The following ADAM33 variants were observed in gnomAD, a reference collection of about 807,000 sequenced individuals.
The protein encoded by ADAM33 is ADAM metallopeptidase domain 33.
ADAM33 carries 103 observed loss-of-function variants against 106.2 expected under a neutral mutation model. That is an observed-to-expected ratio of 0.97 (90% CI 0.83 to 1.14). The LOEUF is 1.14. ADAM33 is among the 50% of genes most tolerant of loss of function. The probability of loss-of-function intolerance (pLI) is 0.00; values close to 1 mark genes in which losing one functional copy is unlikely to be tolerated. For synonymous variants in ADAM33, 483 were observed against 453.0 expected, an observed-to-expected ratio of 1.07 and a Z score of -0.84; for missense variants, 1,120 against 1,096.6, an observed-to-expected ratio of 1.02 and a Z score of -0.30.
chr20:3,673,503 G>A lies in ADAM33; in HGVS notation c.991-7C>T, dbSNP rs2271510. The stretch of plus-strand genomic sequence containing the variant: ...TGGGGAGCTCCGAGTGGTCCTGGGG[G>A]GCCGTGGGAGGGCGGTCACTGCGGC... On this transcript the variant is annotated splice_region_variant and splice_polypyrimidine_tract_variant and intron_variant, in intron 10 of 21. Coordinates refer to ENST00000356518, the MANE Select transcript of ADAM33 (RefSeq NM_025220.5). The A allele has an allele frequency of 5.4e-6, 8 of 1,483,240 alleles. No individual in the cohort carries two copies. The East Asian group carries it at 1.7e-4, about 32-fold the overall frequency. The allele number at this position is 1,483,240 out of a possible 1,614,324, so 91.9% of individuals were successfully genotyped here. A position where few individuals can be genotyped will look rare whatever the true frequency, so the allele number is the denominator to read the frequency against.
intron 19 of ADAM33, chr20:3,670,512 A>C: frequency 6.1e-6 from 1 of 164,380 alleles, no homozygotes; most frequent in Non-Finnish European, 1.3e-5. Context: ...AGGGGCAGCC[A>C]GCACCGCAGC....
chr20:3,671,602 G>A lies in ADAM33; in HGVS notation c.1884C>T (p.Gly628=). The change falls in exon 16 of 22, where the codon GGC becomes GGT. Residue 628 remains glycine, a synonymous_variant. Coordinates refer to ENST00000356518, the MANE Select transcript of ADAM33 (RefSeq NM_025220.5). ...DLLGLGLVEP[G]TQCGPRMVCQ... is the part of the protein sequence containing the mutation. ...TCACCATTCTAGGTCCACACTGGGT[G>A]CCTGGCTCTACCAGGCCCAGGCCAA... 2 of 1,588,344 alleles carry A rather than the reference G, an allele frequency of 1.3e-6. No individual in the cohort carries two copies.
At chr20:3,674,906 G>A (rs2087839496) in intron 4 of ADAM33, 57 bp from the exon 5 acceptor site, 1 of 1,608,642 alleles carries the variant, frequency 6.2e-7, no homozygotes, top group Non-Finnish European at 8.5e-7. Flanking sequence ...AGAGGGGCAA[G>A]AGGGAGGGTG....
At chr20:3,676,137 G>C (rs1313103763) in intron 3 of ADAM33, among the ~76,000 whole-genome samples, 1 of 152,208 alleles carries the variant, frequency 6.6e-6, no homozygotes, top group Non-Finnish European at 1.5e-5. Flanking sequence ...AATCTGGGTG[G>C]TTTTAAGAGC....
Position 3,675,018 on chromosome 20 carries a change from G to A in ADAM33, c.333+9C>T. 1 of 1,613,408 alleles carries A rather than the reference G, an allele frequency of 6.2e-7. No homozygotes were observed. Among genetic ancestry groups the A allele is most frequent in the African/African-American group, 1.3e-5 (1 of 75,040 alleles). ...GCGGTGCATCCCAGAGCCCATGGAA[G>A]CATCTCACCGTGTGGTTGGGGGCCA... On this transcript the variant is annotated intron_variant, in intron 4 of 21. Coordinates refer to ENST00000356518, the MANE Select transcript of ADAM33 (RefSeq NM_025220.5). The surrounding 1 kb of genome is among the most constrained non-coding windows in gnomAD (Gnocchi z 4.1).
chr20:3,672,980 G>C (rs145538787), intron 11 of ADAM33, 82 bp from the exon 12 acceptor site: 748 of 1,445,968 alleles, frequency 5.2e-4, no homozygotes, highest in Non-Finnish European at 5.7e-4. Context: ...CCTGGGCTTG[G>C]CTACAGCCGC....
chr20:3,677,676 C>G (rs567021879), intron 2 of ADAM33, among the ~76,000 whole-genome samples: 1 of 152,346 alleles, frequency 6.6e-6, no homozygotes, highest in South Asian at 2.1e-4. Flanking sequence ...TTTCCTGGGC[C>G]TCCAGCAGCC....
chr20:3,671,384 A>C, intron 17 of ADAM33, 35 bp downstream of exon 17: 1 of 1,611,316 alleles, frequency 6.2e-7, no homozygotes, highest in Non-Finnish European at 8.5e-7. Flanking sequence ...TAGGATTAGG[A>C]ACCCCAAGGT....
At chr20:3,672,945 CCCCCGCGCTTCTCTGATCCCCA>C (rs1407899982) in intron 11 of ADAM33, 47 bp from the exon 12 acceptor site, 1 of 1,483,088 alleles carries the variant, frequency 6.7e-7, no homozygotes, top group Non-Finnish European at 8.9e-7. Flanking sequence ...AGTCCCCCAA[CCCCCGCGCTTCTCTGATCCCCA>C]CCCCTGGGCT....
Position 3,679,541 on chromosome 20 carries a change from T to A in ADAM33, c.128A>T (p.His43Leu), listed in dbSNP as rs986191067. ...CCAGGGTTGTCCATCCAGGACCCAGTGCGGGGTGACTGGCTGCCCAGGGAT... is the reference window on the plus strand; with the variant it reads ...CCAGGGTTGTCCATCCAGGACCCAGAGCGGGGTGACTGGCTGCCCAGGGAT... ...GHIPGQPVTP[H>L]WVLDGQPWRT... Residue 43 changes from histidine to leucine, a missense_variant, in exon 2 of 22, where the codon CAC (histidine) becomes CTC (leucine). Physicochemically the swap from His to Leu is moderately conservative, Grantham distance 99 (BLOSUM62 -3). Coordinates refer to ENST00000356518, the MANE Select transcript of ADAM33 (RefSeq NM_025220.5). 6.2e-7 allele frequency: 1 copy of A among 1,610,578 alleles called. No homozygotes were observed. Among genetic ancestry groups the A allele is most frequent in the African/African-American group, 1.3e-5 (1 of 74,822 alleles).
chr20:3,677,021 C>T, intron 3 of ADAM33, 46 bp downstream of exon 3: 2 of 1,597,334 alleles, frequency 1.3e-6, no homozygotes, highest in Non-Finnish European at 1.7e-6. Flanking sequence ...CCCTGCCCCC[C>T]AACACTGATC....
At chr20:3,679,706 C>T (rs538963134) in intron 1 of ADAM33, 135 bp from the exon 2 acceptor site, 12 of 688,896 alleles carry the variant, frequency 1.7e-5, no homozygotes, top group South Asian at 1.1e-4. Context: ...ACCTTCAACA[C>T]GCGTGGGCTC....
Position 3,673,748 on chromosome 20 carries a change from A to G in ADAM33, c.902T>C (p.Leu301Pro). The change falls in exon 9 of 22, where the codon CTC (leucine) becomes CCC (proline). Residue 301 changes from leucine to proline, a missense_variant. Leu to Pro is a moderately conservative substitution (Grantham distance 98, BLOSUM62 -3). Coordinates refer to ENST00000356518, the MANE Select transcript of ADAM33 (RefSeq NM_025220.5). ...AQRPHDSAQL[L>P]TGRAFQGATV... ...CGTCCGGGTCAGAGGCACCCACGTG[A>G]GCAGCTGCGCGGAGTCGTGGGGCCG... 2.7e-6 allele frequency: 4 copies of G among 1,503,384 alleles called. No individual in the cohort carries two copies. The highest frequency in any genetic ancestry group is 3.5e-6 in the Non-Finnish European group (4 of 1,130,556). The allele number at this position is 1,503,384 out of a possible 1,614,324, so 93.1% of individuals were successfully genotyped here.
In ADAM33 at chr20:3,672,206, T is replaced by C; in HGVS notation, c.1525A>G (p.Arg509Gly). 2 of 1,613,402 alleles carry C rather than the reference T, an allele frequency of 1.2e-6. No individual in the cohort carries two copies. The highest frequency in any genetic ancestry group is 8.5e-7 in the Non-Finnish European group (1 of 1,180,024). The change falls in exon 14 of 22, where the codon AGG becomes GGG. Residue 509 changes from arginine (R) to glycine (G), a missense_variant. Transcript: ENST00000356518. ...VYLLDGSPCARGSGYCWDGAC... is the reference protein window; with the variant it reads ...VYLLDGSPCAGGSGYCWDGAC... ...CCATCCCAGCAGTAGCCACTGCCCC[T>C]GGCACAGGGTGAGCCGTCCAGTAGG... is the stretch of plus-strand genomic sequence containing the variant.
chr20:3,672,150 C>A lies in ADAM33; in HGVS notation c.1581G>T (p.Gln527His). The A allele has an allele frequency of 6.2e-7, 1 of 1,611,782 alleles. No homozygotes were observed. The highest frequency in any genetic ancestry group is 8.5e-7 in the Non-Finnish European group (1 of 1,179,094). ...GACPTLEQQC[Q>H]QLWGPGSHPA... is the part of the protein sequence containing the mutation. ...TCCTCTCACCAGGCCCCCAGAGCTG[C>A]TGGCACTGCTGCTCCAGCGTGGGAC... Residue 527 changes from glutamine (Q) to histidine (H), a missense_variant, in exon 14 of 22, where the codon CAG (glutamine) becomes CAT (histidine). Coordinates refer to ENST00000356518, the MANE Select transcript of ADAM33 (RefSeq NM_025220.5).
At chr20:3,673,939 G>A in intron 8 of ADAM33, 28 bp from the exon 9 acceptor site, 1 of 1,575,048 alleles carries the variant, frequency 6.3e-7, no homozygotes, top group Non-Finnish European at 8.6e-7. Flanking sequence ...CTGAAGCCGG[G>A]ACAGGGCGCC....
At chr20:3,672,363 A>T (rs568797571) in intron 13 of ADAM33, 34 bp from the exon 14 acceptor site, 1 of 1,605,444 alleles carries the variant, frequency 6.2e-7, no homozygotes, top group Non-Finnish European at 8.5e-7. Flanking sequence ...GAAGGCAGAG[A>T]GAGGCCACGT....
rs773304392 is a variant in ADAM33 at position 3,671,349 on chromosome 20, CAGAGA to C, written c.1984-9_1984-5del. 14 of 1,613,424 alleles carry C rather than the reference CAGAGA, an allele frequency of 8.7e-6. No homozygotes were observed. The highest frequency in any genetic ancestry group is 1.7e-5 in the Admixed American group (1 of 59,994). ...AGTTATGGTTGCTATTGCAAACCTG[CAGAGA>C]AGAGAAGAGGAGGGTCACGTAGGAT... On this transcript the variant is annotated splice_region_variant and splice_polypyrimidine_tract_variant and intron_variant, in intron 17 of 21. Coordinates refer to ENST00000356518, the MANE Select transcript of ADAM33 (RefSeq NM_025220.5).
Position 3,672,214 on chromosome 20 carries a change from G to C in ADAM33, c.1517C>G (p.Pro506Arg), listed in dbSNP as rs751899277. 5 of 1,613,460 alleles carry C rather than the reference G, an allele frequency of 3.1e-6. No individual in the cohort carries two copies. The South Asian group carries it at 5.5e-5, about 18-fold the overall frequency. The change falls in exon 14 of 22, where the codon CCC becomes CGC. Residue 506 changes from proline to arginine, a missense_variant. By Grantham distance (103) the Pro-to-Arg change is moderately radical (BLOSUM62 -2). Coordinates refer to ENST00000356518, the MANE Select transcript of ADAM33 (RefSeq NM_025220.5). ...PPDVYLLDGS[P>R]CARGSGYCWD... is the part of the protein sequence containing the mutation. The stretch of plus-strand genomic sequence containing the variant: ...GCAGTAGCCACTGCCCCTGGCACAG[G>C]GTGAGCCGTCCAGTAGGTAAACGTC...
Sources: gnomAD v4.1 joint callset for allele counts (sites outside exome capture counted in the v4.1 genomes callset) on GRCh38, gnomAD v4.1.1 for gene constraint, Gnocchi (gnomAD v3.1) non-coding constraint, MANE v1.5 for transcripts, NCBI Gene and HGNC (gene_info 2026-07-23, HGNC 2026-07-21) for gene names.